LRP1B: variants seen among roughly 807,000 people sequenced by gnomAD.
LRP1B encodes the protein low-density lipoprotein receptor-related protein 1B.
In LRP1B, 217 loss-of-function variants were observed where a neutral mutation model predicts 556.6. The ratio of observed to expected loss-of-function variants is 0.39; its 90% CI spans 0.35 to 0.44. The LOEUF (loss-of-function observed/expected upper bound fraction) is 0.44. LRP1B is among the 20% of genes least tolerant of loss of function. The probability of loss-of-function intolerance (pLI) is 1.00; values close to 1 mark genes in which losing one functional copy is unlikely to be tolerated. For missense variants in LRP1B, 5,053 were observed against 5,620.8 expected, an observed-to-expected ratio of 0.90 and a Z score of 3.23; for synonymous variants, 2,047 against 1,865.8, an observed-to-expected ratio of 1.10 and a Z score of -2.50.
intron 3 of LRP1B, among the ~76,000 whole-genome samples, chr2:141,284,391 T>A (rs950374889): frequency 6.6e-6 from 1 of 152,234 alleles, no homozygotes; most frequent in South Asian, 2.1e-4. Flanking sequence ...GGTGGCAGTG[T>A]GAAAGAAAGA....
rs746225934 is a variant in LRP1B at position 140,529,434 on chromosome 2, G to GT, written c.7763-3085_7763-3084insA. ...CTCGTAGCAAAGGGAAGCTGAAAAG[G>GT]GGGGGGGGAAGCATTAAGTTTGCTC... On this transcript the variant is annotated intron_variant, in intron 47 of 90. Coordinates refer to ENST00000389484, the MANE Select transcript of LRP1B (RefSeq NM_018557.3). 3.3e-3 allele frequency among the ~76,000 whole-genome samples: 337 copies of GT among 102,698 alleles called. 3 individuals are homozygous for GT. The highest frequency in any genetic ancestry group is 6.1e-3 in the Admixed American group (62 of 10,082). The allele number at this position is 102,698 out of a possible 152,430, so 67.4% of individuals were successfully genotyped here.
At chr2:141,269,848 C>T (rs1478879682) in intron 3 of LRP1B, among the ~76,000 whole-genome samples, 1 of 151,996 alleles carries the variant, frequency 6.6e-6, no homozygotes, top group Non-Finnish European at 1.5e-5. Context: ...ACAAAGACTT[C>T]AAATCAGCTA....
Position 140,972,943 on chromosome 2 carries a change from G to GATAT in LRP1B, c.2887+9213_2887+9216dup, listed in dbSNP as rs10558342. 2.7e-4 allele frequency among the ~76,000 whole-genome samples: 40 copies of GATAT among 145,576 alleles called. 1 individual carries two copies. The highest frequency in any genetic ancestry group is 4.4e-4 in the Non-Finnish European group (29 of 66,570). ...AAATTTTTTGCTGATGCAGCTTTTT[G>GATAT]ATATATATATATATATACATATAAT... On this transcript the variant is annotated intron_variant, in intron 18 of 90. Transcript: ENST00000389484.
intron 2 of LRP1B, among the ~76,000 whole-genome samples, chr2:141,486,363 A>G (rs2105102036): frequency 6.6e-6 from 1 of 152,292 alleles, no homozygotes; most frequent in East Asian, 1.9e-4. Context: ...ATACTTCTGA[A>G]TGTTTAAATT....
chr2:141,742,915 G>A (rs1693764138), intron 2 of LRP1B, among the ~76,000 whole-genome samples: 1 of 151,774 alleles, frequency 6.6e-6, no homozygotes. Context: ...ATTATTCATT[G>A]TTGGCATATA....
At chr2:140,594,544 C>T (rs1297493908) in intron 43 of LRP1B, among the ~76,000 whole-genome samples, 1 of 152,140 alleles carries the variant, frequency 6.6e-6, no homozygotes. Flanking sequence ...TTCGAGGGCA[C>T]ACAAGGTCTA....
At chr2:141,758,880 A>T (rs1403966769) in intron 2 of LRP1B, among the ~76,000 whole-genome samples, 2 of 152,176 alleles carry the variant, frequency 1.3e-5, no homozygotes, top group Admixed American at 1.3e-4. Context: ...GAGTGCTGAT[A>T]AAATTATTCT....
intron 60 of LRP1B, among the ~76,000 whole-genome samples, chr2:140,461,018 G>C (rs1288295992): frequency 2.7e-5 from 4 of 147,524 alleles, no homozygotes; most frequent in African/African-American, 1.0e-4. Flanking sequence ...AGCCAAGATC[G>C]CACCACTGCA....
At chr2:141,505,656 TTA>T (rs1479068731) in intron 2 of LRP1B, among the ~76,000 whole-genome samples, 16 of 152,160 alleles carry the variant, frequency 1.1e-4, no homozygotes, top group Non-Finnish European at 1.6e-4. Flanking sequence ...AGTTACCTAG[TTA>T]TAAAGTAAGC....
chr2:140,900,003 C>A (rs950972822), intron 23 of LRP1B, among the ~76,000 whole-genome samples: 1 of 151,946 alleles, frequency 6.6e-6, no homozygotes, highest in Non-Finnish European at 1.5e-5. Flanking sequence ...AAACTATGAT[C>A]AAATAAATTT....
chr2:141,250,267 C>T (rs1254512527), intron 4 of LRP1B, among the ~76,000 whole-genome samples: 1 of 152,062 alleles, frequency 6.6e-6, no homozygotes, highest in African/African-American at 2.4e-5. Context: ...AGGGTGGGGC[C>T]CCTAGGTAGT....
chr2:141,512,425 G>T (rs1684165248), intron 2 of LRP1B, among the ~76,000 whole-genome samples: 1 of 151,938 alleles, frequency 6.6e-6, no homozygotes, highest in African/African-American at 2.4e-5. Context: ...AACTTCTCAG[G>T]CATCTTCTAA....
intron 2 of LRP1B, among the ~76,000 whole-genome samples, chr2:141,590,247 C>G (rs1687290361): frequency 6.6e-6 from 1 of 152,080 alleles, no homozygotes; most frequent in South Asian, 2.1e-4. Context: ...TAAAAAGAGA[C>G]TTAGATAACA....
At chr2:140,282,006 A>T (rs1682935411) in intron 84 of LRP1B, among the ~76,000 whole-genome samples, 1 of 151,802 alleles carries the variant, frequency 6.6e-6, no homozygotes, top group African/African-American at 2.4e-5. Context: ...AAGAAAAAAA[A>T]ATGGCCAGAA....
chr2:141,688,698 T>C (rs1331597484), intron 2 of LRP1B, among the ~76,000 whole-genome samples: 3 of 151,890 alleles, frequency 2.0e-5, no homozygotes, highest in Admixed American at 1.3e-4. Flanking sequence ...ACAAGTCTTG[T>C]CCACTTCGAT....
intron 27 of LRP1B, among the ~76,000 whole-genome samples, chr2:140,857,339 T>A (rs1573809669): frequency 1.3e-5 from 2 of 152,314 alleles, no homozygotes; most frequent in Admixed American, 6.5e-5. Flanking sequence ...CTTATTTGTA[T>A]GAGAACAATT....
chr2:142,117,628 A>T (rs970889500), intron 1 of LRP1B, among the ~76,000 whole-genome samples: 11 of 151,032 alleles, frequency 7.3e-5, no homozygotes, highest in South Asian at 2.1e-4. Flanking sequence ...TGTGTGTGTG[A>T]GAGAGAGAGA....
intron 3 of LRP1B, among the ~76,000 whole-genome samples, chr2:141,414,017 T>TGGCTGAGGTGGGCG (rs1351067795): frequency 1.3e-5 from 2 of 151,562 alleles, no homozygotes; most frequent in African/African-American, 4.8e-5. Context: ...CATCACGAGG[T>TGGCTGAGGTGGGCG]CAGAGGTCAG....
intron 47 of LRP1B, among the ~76,000 whole-genome samples, chr2:140,528,844 C>T (rs886289479): frequency 1.3e-5 from 2 of 151,982 alleles, no homozygotes; most frequent in Non-Finnish European, 2.9e-5. Context: ...GCCAAAACCT[C>T]TTTCTCTCTG....
Sources: allele counts gnomAD v4.1 joint callset (sites outside exome capture counted in the v4.1 genomes callset), GRCh38; gene constraint gnomAD v4.1.1; transcripts MANE v1.5; gene names NCBI Gene and HGNC (gene_info 2026-07-23, HGNC 2026-07-21).